Variants in DAB1 observed in about 807,000 individuals in gnomAD.
DAB1 encodes DAB adaptor protein 1, also known as disabled homolog 1.
DAB1 carries 15 observed loss-of-function variants against 64.6 expected under a neutral mutation model. The ratio of observed to expected loss-of-function variants is 0.23; its 90% CI spans 0.16 to 0.36. The LOEUF (loss-of-function observed/expected upper bound fraction) is 0.36. Among genes scored for constraint, DAB1 ranks in the 10% least tolerant of loss-of-function variants. The pLI, the probability that DAB1 is intolerant of heterozygous loss-of-function variation, is 1.00. For missense variants in DAB1, 596 were observed against 706.7 expected (o/e 0.84, Z 1.78); for synonymous variants, 235 against 251.9 (o/e 0.93, Z 0.64).
intron 7 of DAB1, among the ~76,000 whole-genome samples, chr1:57,488,577 G>A: frequency 6.6e-6 from 1 of 151,952 alleles, no homozygotes; most frequent in East Asian, 1.9e-4. Context: ...TTGGGAAGCT[G>A]AGGCCGGAGA....
chr1:57,891,098 T>G (rs145843516), intron 5 of DAB1, among the ~76,000 whole-genome samples: 1,864 of 152,020 alleles, frequency 0.012, 25 homozygotes, highest in Non-Finnish European at 0.017. Context: ...TGGGAGAAAA[T>G]TTTTGCAATC....
At chr1:57,400,348 C>T (rs553414064) in intron 1 of DAB1, among the ~76,000 whole-genome samples, 2 of 152,168 alleles carry the variant, frequency 1.3e-5, no homozygotes, top group South Asian at 2.1e-4. Flanking sequence ...CTCCCAAAAC[C>T]CATTACTGAA....
At chr1:57,126,467 T>C (rs1268529841) in intron 4 of DAB1, among the ~76,000 whole-genome samples, 3 of 152,148 alleles carry the variant, frequency 2.0e-5, no homozygotes, top group African/African-American at 7.2e-5. Context: ...TCTCTGAACC[T>C]TGGCGTTATA....
At chr1:57,591,087 T>C (rs931906271) in intron 7 of DAB1, among the ~76,000 whole-genome samples, 5 of 152,180 alleles carry the variant, frequency 3.3e-5, no homozygotes, top group Non-Finnish European at 5.9e-5. Flanking sequence ...TGTCTGAACC[T>C]GCCATGAAAA....
At position 57,105,253 on chromosome 1, in the gene DAB1, C is replaced by T. The variant is rs116409258; in HGVS notation, c.306+31290G>A. 2.4e-3 allele frequency among the ~76,000 whole-genome samples: 367 copies of T among 151,950 alleles called. 2 individuals are homozygous for T. The highest frequency in any genetic ancestry group is 8.0e-3 in the African/African-American group (332 of 41,446). On this transcript the variant is annotated intron_variant, in intron 4 of 14. Transcript: ENST00000371236. Reference sequence around the variant, plus strand: ...AAAATACCTCTATGGCAAGAACACACTGGGATTGGGGGTGGGGTGGTGTGA... The same window carrying T: ...AAAATACCTCTATGGCAAGAACACATTGGGATTGGGGGTGGGGTGGTGTGA...
intron 1 of DAB1, among the ~76,000 whole-genome samples, chr1:58,532,279 T>C (rs946416762): frequency 6.6e-6 from 1 of 152,220 alleles, no homozygotes; most frequent in Non-Finnish European, 1.5e-5. Flanking sequence ...TTTTTAAGGC[T>C]GCTGTTTGCT....
chr1:57,403,254 A>G (rs143405301), intron 1 of DAB1, among the ~76,000 whole-genome samples: 1 of 152,264 alleles, frequency 6.6e-6, no homozygotes, highest in East Asian at 1.9e-4. Flanking sequence ...CATTGGGAAA[A>G]AGCCCTATCT....
At chr1:57,596,970 C>T (rs75340364) in intron 7 of DAB1, among the ~76,000 whole-genome samples, 3 of 152,148 alleles carry the variant, frequency 2.0e-5, no homozygotes, top group African/African-American at 7.2e-5. Flanking sequence ...CTTCTATGAA[C>T]TCTCTGGGAT....
chr1:57,577,474 C>T (rs2101545013), intron 7 of DAB1, among the ~76,000 whole-genome samples: 1 of 151,718 alleles, frequency 6.6e-6, no homozygotes, highest in African/African-American at 2.4e-5. Flanking sequence ...TAATAATACC[C>T]AACCTTTAAT....
At chr1:57,652,508 C>A (rs1378195181) in intron 6 of DAB1, among the ~76,000 whole-genome samples, 1 of 152,138 alleles carries the variant, frequency 6.6e-6, no homozygotes, top group Non-Finnish European at 1.5e-5. Flanking sequence ...AATTCCCCTG[C>A]CTTGATAAAT....
chr1:57,871,049 C>T (rs1643940080), intron 1 of DAB1, among the ~76,000 whole-genome samples: 1 of 152,138 alleles, frequency 6.6e-6, no homozygotes, highest in South Asian at 2.1e-4. Flanking sequence ...CCTAAAAGTG[C>T]CAGCCATGGG....
chr1:58,391,854 T>A (rs1464680321), intron 3 of DAB1, among the ~76,000 whole-genome samples: 1 of 152,224 alleles, frequency 6.6e-6, no homozygotes, highest in Non-Finnish European at 1.5e-5. Context: ...TCTGTGAATA[T>A]CCTAAAATAT....
At chr1:57,507,127 C>T (rs560573409) in intron 7 of DAB1, among the ~76,000 whole-genome samples, 1 of 152,262 alleles carries the variant, frequency 6.6e-6, no homozygotes, top group African/African-American at 2.4e-5. Flanking sequence ...AGGATAAACG[C>T]CAAAGTCCTT....
intron 3 of DAB1, among the ~76,000 whole-genome samples, chr1:58,486,101 TGA>T (rs1645572044): frequency 6.6e-6 from 1 of 152,172 alleles, no homozygotes; most frequent in Admixed American, 6.5e-5. Flanking sequence ...ACATCTAAAT[TGA>T]CATTGGAATT....
At chr1:58,032,463 G>A (rs529969059) in intron 5 of DAB1, among the ~76,000 whole-genome samples, 1 of 152,186 alleles carries the variant, frequency 6.6e-6, no homozygotes, top group Non-Finnish European at 1.5e-5. Flanking sequence ...GGTGGGGAGT[G>A]CCCAAAGTTT....
At chr1:57,772,585 T>C (rs938550843) in intron 6 of DAB1, among the ~76,000 whole-genome samples, 8 of 152,152 alleles carry the variant, frequency 5.3e-5, no homozygotes, top group African/African-American at 1.2e-4. Flanking sequence ...TGTTTAACTT[T>C]ATAAGAAATT....
intron 1 of DAB1, among the ~76,000 whole-genome samples, chr1:57,394,532 A>G (rs534715): frequency 0.039 from 5,890 of 152,326 alleles, 357 homozygotes; most frequent in African/African-American, 0.13. Flanking sequence ...TCTTTTTGTT[A>G]TGTTAGAATT....
At chr1:58,301,240 G>GA (rs1662163480) in intron 4 of DAB1, among the ~76,000 whole-genome samples, 1 of 147,350 alleles carries the variant, frequency 6.8e-6, no homozygotes, top group African/African-American at 2.5e-5. Context: ...GGAGAGGGGG[G>GA]GGTCATGAAA....
intron 5 of DAB1, among the ~76,000 whole-genome samples, chr1:58,016,088 A>T (rs193125029): frequency 6.6e-5 from 10 of 152,308 alleles, no homozygotes; most frequent in Non-Finnish European, 1.3e-4. Context: ...TCTAAATCAA[A>T]TAACTAACCT....
Sources: gnomAD v4.1 joint callset for allele counts (sites outside exome capture counted in the v4.1 genomes callset) on GRCh38, gnomAD v4.1.1 for gene constraint, MANE v1.5 for transcripts, NCBI Gene and HGNC (gene_info 2026-07-23, HGNC 2026-07-21) for gene names.